Variants in SEMA3A observed in about 807,000 individuals in gnomAD.
SEMA3A encodes the protein semaphorin-3A.
Under a neutral mutation model 97.9 loss-of-function variants are expected in SEMA3A, and 29 were observed. The ratio of observed to expected loss-of-function variants is 0.30; its 90% CI spans 0.22 to 0.40. SEMA3A has a LOEUF of 0.40. SEMA3A is among the 10% of genes least tolerant of loss of function. The pLI, the probability that SEMA3A is intolerant of heterozygous loss-of-function variation, is 1.00. For synonymous variants in SEMA3A, 321 were observed against 323.7 expected (o/e 0.99, Z 0.09); for missense variants, 763 against 951.3 (o/e 0.80, Z 2.60).
At chr7:84,469,878 A>T (rs1451766746) in intron 1 of SEMA3A, among the ~76,000 whole-genome samples, 1 of 151,962 alleles carries the variant, frequency 6.6e-6, no homozygotes, top group Non-Finnish European at 1.5e-5. Context: ...GTTCCAAATC[A>T]TGTTGATAGT....
chr7:84,392,199 A>G (rs889001952), intron 1 of SEMA3A, among the ~76,000 whole-genome samples: 5 of 152,040 alleles, frequency 3.3e-5, no homozygotes, highest in Non-Finnish European at 4.4e-5. Flanking sequence ...AAAACAAACA[A>G]ATTTATTCTA....
intron 1 of SEMA3A, among the ~76,000 whole-genome samples, chr7:84,171,989 A>G (rs1187763117): frequency 6.6e-6 from 1 of 152,216 alleles, no homozygotes; most frequent in Non-Finnish European, 1.5e-5. Flanking sequence ...AGCTTCCTCA[A>G]AATCAAAAGT....
chr7:84,424,879 ATAT>A (rs537058564), intron 1 of SEMA3A, among the ~76,000 whole-genome samples: 2,344 of 66,896 alleles, frequency 0.035, 114 homozygotes, highest in African/African-American at 0.16. Context: ...TAAATATATA[ATAT>A]TATATATAAA....
intron 3 of SEMA3A, among the ~76,000 whole-genome samples, chr7:84,119,589 T>C (rs549875796): frequency 2.6e-5 from 4 of 152,296 alleles, no homozygotes; most frequent in African/African-American, 9.6e-5. Flanking sequence ...CAAAAGTTGG[T>C]GATGGCATAT....
chr7:84,005,473 A>G lies in SEMA3A; in HGVS notation c.1226T>C (p.Met409Thr). The G allele has an allele frequency of 6.2e-7, 1 of 1,614,042 alleles. No individual in the cohort carries two copies. Among genetic ancestry groups the G allele is most frequent in the Non-Finnish European group, 8.5e-7 (1 of 1,179,916 alleles). Residue 409 changes from methionine to threonine, a missense_variant, in exon 11 of 17, where the codon ATG becomes ACG. Physicochemically the swap from Met to Thr is moderately conservative, Grantham distance 81. Coordinates refer to ENST00000265362, the MANE Select transcript of SEMA3A (RefSeq NM_006080.3). Reference sequence around the variant, plus strand: ...GTTCATAGGAAACACTGGATTGTACATGGCTGGATGACTTCTTGCAAAGGT... The same window carrying G: ...GTTCATAGGAAACACTGGATTGTACGTGGCTGGATGACTTCTTGCAAAGGT... ...VITFARSHPA[M>T]YNPVFPMNNR...
At chr7:83,964,048 G>C (rs1788578499) in intron 15 of SEMA3A, among the ~76,000 whole-genome samples, 1 of 152,086 alleles carries the variant, frequency 6.6e-6, no homozygotes, top group Non-Finnish European at 1.5e-5. Flanking sequence ...TCAGGAATTA[G>C]GCTATGGAAT....
chr7:84,338,166 C>CATAT lies in SEMA3A; in HGVS notation c.-168-30878_-168-30875dup, dbSNP rs138584244. On this transcript the variant is annotated intron_variant, in intron 2 of 3. Transcript: ENST00000424555. ...ATAATAAAATATGTGTATATACATG[C>CATAT]ATATATATATATATAAATAAAATAG... Among the ~76,000 whole-genome samples the CATAT allele has an allele frequency of 8.1e-5, 12 of 148,898 alleles. No individual in the cohort carries two copies. The Middle Eastern group carries it at 0.011, about 131-fold the overall frequency.
In SEMA3A at chr7:84,392,390, G is replaced by A. The variant is rs189688523; in HGVS notation, c.-245-20490C>T. Among the ~76,000 whole-genome samples, 108 of 152,258 alleles carry A rather than the reference G, an allele frequency of 7.1e-4. 1 individual carries two copies. Among genetic ancestry groups the A allele is most frequent in the African/African-American group, 2.4e-3 (100 of 41,554 alleles). On this transcript the variant is annotated intron_variant, in intron 1 of 3. Transcript: ENST00000424555. ...CAATTCTATTCATGTTGTTGCAAAT[G>A]ATAAGGTATCTTCCTTGTTTTAGGC... is the stretch of plus-strand genomic sequence containing the variant.
intron 5 of SEMA3A, 48 bp from the exon 6 acceptor site, chr7:84,046,491 AAAAAC>A (rs752121396): frequency 2.6e-5 from 41 of 1,605,798 alleles, no homozygotes; most frequent in Middle Eastern, 1.7e-4. Flanking sequence ...CAATTAAGGC[AAAAAC>A]AAAACAAAAC....
intron 2 of SEMA3A, among the ~76,000 whole-genome samples, chr7:84,362,566 C>G (rs967899086): frequency 6.6e-6 from 1 of 152,014 alleles, no homozygotes; most frequent in East Asian, 1.9e-4. Flanking sequence ...ACTTTGTAAT[C>G]TTATCCTTCA....
At chr7:84,413,391 G>T (rs973014311) in intron 1 of SEMA3A, among the ~76,000 whole-genome samples, 6 of 152,130 alleles carry the variant, frequency 3.9e-5, no homozygotes, top group Middle Eastern at 3.2e-3. Flanking sequence ...ACTTTAGGAG[G>T]CTGAGTCAGG....
chr7:84,326,084 C>T (rs1801769639), intron 2 of SEMA3A, among the ~76,000 whole-genome samples: 1 of 152,076 alleles, frequency 6.6e-6, no homozygotes, highest in Non-Finnish European at 1.5e-5. Flanking sequence ...GCAAGATGCT[C>T]TTCTTCTTTC....
intron 12 of SEMA3A, among the ~76,000 whole-genome samples, chr7:83,990,772 T>C (rs1789885723): frequency 3.0e-5 from 2 of 67,302 alleles, no homozygotes; most frequent in Admixed American, 3.2e-4. Flanking sequence ...AGCTTTGTTC[T>C]TTTGGCTTAG....
chr7:84,190,960 T>TACACACAC (rs200896857), intron 1 of SEMA3A, among the ~76,000 whole-genome samples: 22 of 82,682 alleles, frequency 2.7e-4, no homozygotes, highest in Middle Eastern at 5.4e-3. Context: ...TGTATTGGTA[T>TACACACAC]ATACACACAC....
At chr7:84,360,020 CT>C (rs957187135) in intron 2 of SEMA3A, among the ~76,000 whole-genome samples, 2 of 149,582 alleles carry the variant, frequency 1.3e-5, no homozygotes, top group African/African-American at 2.5e-5. Context: ...CTATTTGATT[CT>C]TCTCTCTTTT....
rs117270007 is a variant in SEMA3A at position 84,092,660 on chromosome 7, C to T, written c.453+17810G>A. Among the ~76,000 whole-genome samples, 801 of 152,182 alleles carry T rather than the reference C, an allele frequency of 5.3e-3. 4 individuals are homozygous for T. The highest frequency in any genetic ancestry group is 0.017 in the East Asian group (89 of 5,168). On this transcript the variant is annotated intron_variant, in intron 4 of 16. Transcript: ENST00000265362. ...GCAAAGGGCATGAAATAAAAGTTAA[C>T]AGATACTATTATCTAGCAAATTCCA... is the stretch of plus-strand genomic sequence containing the variant.
chr7:84,443,257 T>C (rs1204996286), intron 1 of SEMA3A, among the ~76,000 whole-genome samples: 1 of 152,142 alleles, frequency 6.6e-6, no homozygotes, highest in Non-Finnish European at 1.5e-5. Context: ...TTTTAAAAGA[T>C]AGATCACACA....
intron 2 of SEMA3A, among the ~76,000 whole-genome samples, chr7:84,337,888 T>C (rs1802076030): frequency 1.3e-5 from 2 of 152,038 alleles, no homozygotes; most frequent in African/African-American, 2.4e-5. Context: ...CAACAATAAA[T>C]TTCAGAGAGC....
chr7:84,487,880 T>A (rs533054322), intron 1 of SEMA3A, among the ~76,000 whole-genome samples: 1 of 152,090 alleles, frequency 6.6e-6, no homozygotes, highest in Non-Finnish European at 1.5e-5. Context: ...AAAGGAAAAA[T>A]GAGAATTAAA....
Sources: allele counts gnomAD v4.1 joint callset (sites outside exome capture counted in the v4.1 genomes callset), GRCh38; gene constraint gnomAD v4.1.1; transcripts MANE v1.5; gene names NCBI Gene and HGNC (gene_info 2026-07-23, HGNC 2026-07-21).